CNTNAP4: variants seen among roughly 807,000 people sequenced by gnomAD.
CNTNAP4 encodes the protein contactin-associated protein-like 4.
CNTNAP4 carries 98 observed loss-of-function variants against 148.4 expected under a neutral mutation model. The ratio of observed to expected loss-of-function variants is 0.66; its 90% CI spans 0.56 to 0.78. The LOEUF is 0.78. Among genes scored for constraint, CNTNAP4 ranks in the 30% least tolerant of loss-of-function variants. The probability of loss-of-function intolerance (pLI) is 0.00; values close to 1 mark genes in which losing one functional copy is unlikely to be tolerated. For missense variants in CNTNAP4, 1,935 were observed against 1,565.6 expected (o/e 1.24, Z -3.98); for synonymous variants, 730 against 565.1 (o/e 1.29, Z -4.14).
At chr16:76,530,556 G>A (rs1001161561) in intron 17 of CNTNAP4, among the ~76,000 whole-genome samples, 2 of 152,052 alleles carry the variant, frequency 1.3e-5, no homozygotes, top group African/African-American at 2.4e-5. Flanking sequence ...CTAGAGACTC[G>A]CTCTGGCTTC....
chr16:76,472,376 T>G (rs933900945), intron 10 of CNTNAP4, among the ~76,000 whole-genome samples: 7 of 152,226 alleles, frequency 4.6e-5, no homozygotes, highest in Admixed American at 4.6e-4. Flanking sequence ...TCAGTTGGTC[T>G]TTTTGAAGCA....
At chr16:76,343,307 A>G (rs553559074) in intron 2 of CNTNAP4, among the ~76,000 whole-genome samples, 31 of 152,300 alleles carry the variant, frequency 2.0e-4, no homozygotes, top group African/African-American at 7.2e-4. Context: ...TCTTTTTATC[A>G]AAAAGGACAA....
intron 16 of CNTNAP4, 122 bp downstream of exon 16, chr16:76,521,432 GA>G (rs1388253483): frequency 1.4e-6 from 1 of 712,444 alleles, no homozygotes; most frequent in Non-Finnish European, 2.2e-6. Flanking sequence ...GCGCCCCTTT[GA>G]AAAACTCAAT....
intron 9 of CNTNAP4, among the ~76,000 whole-genome samples, chr16:76,462,908 G>A (rs186834941): frequency 6.6e-6 from 1 of 152,176 alleles, no homozygotes; most frequent in African/African-American, 2.4e-5. Context: ...AATCATTTTT[G>A]CATTTGATAG....
At chr16:76,504,387 G>C (rs1397270309) in intron 15 of CNTNAP4, among the ~76,000 whole-genome samples, 1 of 149,678 alleles carries the variant, frequency 6.7e-6, no homozygotes, top group Non-Finnish European at 1.5e-5. Context: ...GGAACAATTC[G>C]AATCCAATTG....
intron 3 of CNTNAP4, among the ~76,000 whole-genome samples, chr16:76,372,386 G>T (rs1436881639): frequency 6.6e-6 from 1 of 151,050 alleles, no homozygotes; most frequent in Non-Finnish European, 1.5e-5. Context: ...CTGACCTCGT[G>T]ATCTGCCCGC....
At chr16:76,472,838 A>C (rs974363320) in intron 10 of CNTNAP4, among the ~76,000 whole-genome samples, 8 of 152,302 alleles carry the variant, frequency 5.3e-5, no homozygotes, top group African/African-American at 1.9e-4. Context: ...GGATCAGGAA[A>C]AATAACTAAT....
At chr16:76,362,286 A>G (rs1393213699) in intron 3 of CNTNAP4, among the ~76,000 whole-genome samples, 2 of 152,218 alleles carry the variant, frequency 1.3e-5, no homozygotes, top group African/African-American at 2.4e-5. Flanking sequence ...TTCTGTGTTC[A>G]TGGATTAGAA....
chr16:76,286,103 G>A (rs1192648340), intron 1 of CNTNAP4, among the ~76,000 whole-genome samples: 1 of 151,024 alleles, frequency 6.6e-6, no homozygotes, highest in African/African-American at 2.5e-5. Context: ...GCTGACGACT[G>A]ACCAAGGACA....
intron 3 of CNTNAP4, among the ~76,000 whole-genome samples, chr16:76,373,111 A>G (rs1175125549): frequency 6.6e-6 from 1 of 151,566 alleles, no homozygotes; most frequent in Non-Finnish European, 1.5e-5. Context: ...AAATATGTGA[A>G]TATATTCCAT....
chr16:76,376,438 G>C (rs1031542040), intron 3 of CNTNAP4, among the ~76,000 whole-genome samples: 1 of 152,186 alleles, frequency 6.6e-6, no homozygotes, highest in Non-Finnish European at 1.5e-5. Flanking sequence ...GAAGAGACAT[G>C]TCTTCTTATT....
chr16:76,384,706 T>C (rs1296390990), intron 3 of CNTNAP4, among the ~76,000 whole-genome samples: 1 of 152,218 alleles, frequency 6.6e-6, no homozygotes, highest in Non-Finnish European at 1.5e-5. Flanking sequence ...TGCTTCATCA[T>C]GACCTCGAAA....
chr16:76,326,608 C>T (rs563001352), intron 2 of CNTNAP4, among the ~76,000 whole-genome samples: 79 of 152,236 alleles, frequency 5.2e-4, no homozygotes, highest in Middle Eastern at 3.4e-3. Context: ...CCATGGAATA[C>T]TATGCAGCCA....
chr16:76,495,185 G>T (rs905088440), intron 14 of CNTNAP4, 119 bp downstream of exon 14: 2 of 1,112,796 alleles, frequency 1.8e-6, no homozygotes, highest in Non-Finnish European at 2.6e-6. Context: ...ATTAAATAAA[G>T]GTTTGTTTTA....
At chr16:76,373,316 G>T (rs1032355541) in intron 3 of CNTNAP4, among the ~76,000 whole-genome samples, 1 of 151,456 alleles carries the variant, frequency 6.6e-6, no homozygotes, top group African/African-American at 2.4e-5. Flanking sequence ...ACATAAATAT[G>T]TGGAGTATAT....
chr16:76,417,274 TA>T (rs1259570427), intron 3 of CNTNAP4, among the ~76,000 whole-genome samples: 2 of 151,414 alleles, frequency 1.3e-5, no homozygotes, highest in African/African-American at 4.8e-5. Context: ...CAGTTGTTTT[TA>T]ATTTTTTGCC....
intron 2 of CNTNAP4, among the ~76,000 whole-genome samples, chr16:76,320,357 T>C (rs997775275): frequency 6.6e-6 from 1 of 152,126 alleles, no homozygotes; most frequent in African/African-American, 2.4e-5. Context: ...AGAAATACAT[T>C]GAGAAAGAAA....
intron 2 of CNTNAP4, among the ~76,000 whole-genome samples, chr16:76,345,824 C>A (rs765764736): frequency 6.6e-5 from 10 of 152,114 alleles, no homozygotes; most frequent in Non-Finnish European, 1.5e-4. Flanking sequence ...AAAGTAAATG[C>A]TGTATGAAAA....
Position 76,316,420 on chromosome 16 carries a change from T to C in CNTNAP4, c.93T>C (p.Cys31=). ...NRVEAGNSYD[C]DDPLVSALPQ... ...CATTGTTCCTCCTGGCAGATGACTG[T>C]GATGATCCTCTTGTGTCTGCCTTGC... The change falls in exon 2 of 24, where the codon TGT becomes TGC. Residue 31 remains cysteine (C), a synonymous_variant. Coordinates refer to ENST00000611870, the MANE Select transcript of CNTNAP4 (RefSeq NM_033401.5). 6.2e-7 allele frequency: 1 copy of C among 1,612,898 alleles called. No homozygotes were observed. Among genetic ancestry groups the C allele is most frequent in the Non-Finnish European group, 8.5e-7 (1 of 1,178,976 alleles).
Sources: allele counts gnomAD v4.1 joint callset (sites outside exome capture counted in the v4.1 genomes callset), GRCh38; gene constraint gnomAD v4.1.1; transcripts MANE v1.5; gene names NCBI Gene and HGNC (gene_info 2026-07-23, HGNC 2026-07-21).